SVOPL: variants seen among roughly 807,000 people sequenced by gnomAD.
SVOPL encodes the protein putative transporter SVOPL.
Under a neutral mutation model 61.0 loss-of-function variants are expected in SVOPL, and 60 were observed. The ratio of observed to expected loss-of-function variants is 0.98; its 90% CI spans 0.80 to 1.22. The LOEUF (loss-of-function observed/expected upper bound fraction) is 1.22, where lower values mean the gene tolerates loss of function less well. Among genes scored for constraint, SVOPL ranks in the 50% most tolerant of loss-of-function variants. The pLI is 0.00. For missense variants in SVOPL, 662 were observed against 643.9 expected (o/e 1.03, Z -0.30); for synonymous variants, 279 against 250.0 (o/e 1.12, Z -1.09).
intron 4 of SVOPL, chr7:138,664,122 T>A: frequency 1.3e-6 from 1 of 783,942 alleles, no homozygotes; most frequent in Non-Finnish European, 1.6e-6. Flanking sequence ...CAGCTCTCCC[T>A]CTGCCTCCCT....
intron 14 of SVOPL, among the ~76,000 whole-genome samples, chr7:138,616,503 A>T (rs1799310556): frequency 6.6e-6 from 1 of 151,910 alleles, no homozygotes; most frequent in Non-Finnish European, 1.5e-5. Flanking sequence ...AACCCAGCTA[A>T]TTTTATATTT....
chr7:138,660,741 GT>G, intron 5 of SVOPL: 5 of 985,306 alleles, frequency 5.1e-6, no homozygotes, highest in Non-Finnish European at 6.0e-6. Context: ...CAAGGTTCAT[GT>G]TTCATACTGC....
intron 9 of SVOPL, 57 bp from the exon 10 acceptor site, chr7:138,630,179 G>T: frequency 7.2e-7 from 1 of 1,398,282 alleles, no homozygotes; most frequent in Non-Finnish European, 1.0e-6. Context: ...GAACGGAGAT[G>T]TTTCCACTGT....
intron 14 of SVOPL, among the ~76,000 whole-genome samples, chr7:138,616,849 C>T (rs990931821): frequency 7.9e-5 from 12 of 152,156 alleles, no homozygotes; most frequent in Middle Eastern, 3.2e-3. Context: ...TGCAGTGGTG[C>T]AAACATAGCT....
Position 138,633,732 on chromosome 7 carries a change from A to G in SVOPL, c.790-3610T>C, listed in dbSNP as rs1161086492. 3.3e-5 allele frequency among the ~76,000 whole-genome samples: 5 copies of G among 152,326 alleles called. No homozygotes were observed. In the East Asian group the frequency reaches 9.6e-4, roughly 29 times the overall value. The stretch of plus-strand genomic sequence containing the variant: ...GAAAGTGAGAATACCTTACCAAAAT[A>G]CAATGATGAATATGGGGAAGGTTCA... On this transcript the variant is annotated intron_variant, in intron 9 of 15. Coordinates refer to ENST00000674285, the MANE Select transcript of SVOPL (RefSeq NM_001139456.2).
At chr7:138,656,385 G>GT in intron 7 of SVOPL, 63 bp downstream of exon 7, 1 of 1,501,284 alleles carries the variant, frequency 6.7e-7, no homozygotes, top group Non-Finnish European at 9.2e-7. Flanking sequence ...TCCAAGGTAT[G>GT]CCTATATGTA....
chr7:138,629,153 G>GTGTGTGTGTGTGTGTGTGTGTATA (rs10624737), intron 10 of SVOPL, among the ~76,000 whole-genome samples: 2 of 147,282 alleles, frequency 1.4e-5, no homozygotes, highest in African/African-American at 5.1e-5. Context: ...GTGTGTGTGT[G>GTGTGTGTGTGTGTGTGTGTGTATA]TATATATGTA....
intron 8 of SVOPL, among the ~76,000 whole-genome samples, chr7:138,647,733 A>G (rs1470228599): frequency 2.6e-5 from 4 of 151,646 alleles, no homozygotes; most frequent in Admixed American, 1.3e-4. Flanking sequence ...CTGCAACCCC[A>G]GGTACTCAGG....
intron 9 of SVOPL, among the ~76,000 whole-genome samples, chr7:138,637,463 T>TATAG (rs1554463006): frequency 4.0e-3 from 76 of 19,102 alleles, no homozygotes; most frequent in African/African-American, 5.4e-3. Flanking sequence ...TAGATATATA[T>TATAG]ATATAGATAT....
At chr7:138,627,287 T>C in intron 12 of SVOPL, 63 bp downstream of exon 12, 6 of 1,249,232 alleles carry the variant, frequency 4.8e-6, no homozygotes, top group Non-Finnish European at 6.9e-6. Flanking sequence ...CTGAACACCA[T>C]GGGTCAGGAG....
chr7:138,642,087 A>G (rs1800833486), intron 9 of SVOPL, among the ~76,000 whole-genome samples: 1 of 151,500 alleles, frequency 6.6e-6, no homozygotes, highest in South Asian at 2.1e-4. Context: ...AAATACAGTT[A>G]CATTATAATA....
intron 15 of SVOPL, 127 bp downstream of exon 15, chr7:138,596,290 C>A: frequency 2.7e-6 from 2 of 749,086 alleles, no homozygotes; most frequent in East Asian, 3.6e-5. Context: ...CAAACTACAA[C>A]TTTACAGAAA....
At chr7:138,682,574 A>C (rs1343065334) in intron 1 of SVOPL, among the ~76,000 whole-genome samples, 1 of 152,222 alleles carries the variant, frequency 6.6e-6, no homozygotes, top group Admixed American at 6.5e-5. Flanking sequence ...AGAAGAGGAA[A>C]GGGGAACCTA....
At chr7:138,604,687 A>G (rs1327161912) in intron 14 of SVOPL, among the ~76,000 whole-genome samples, 1 of 150,800 alleles carries the variant, frequency 6.6e-6, no homozygotes, top group East Asian at 1.9e-4. Flanking sequence ...CAAAAAAAAA[A>G]AAAAAAAAAA....
At position 138,656,520 on chromosome 7, in the gene SVOPL, G is replaced by A; in HGVS notation, c.471-9C>T. Reference sequence around the variant, plus strand: ...CAGTCTTTATGATTAACCTAAACAGGAAGCAGGAAAAAGCATAATTTTGTT... The same window carrying A: ...CAGTCTTTATGATTAACCTAAACAGAAAGCAGGAAAAAGCATAATTTTGTT... On this transcript the variant is annotated splice_polypyrimidine_tract_variant and intron_variant, in intron 6 of 15. Transcript: ENST00000674285. 3 of 1,613,060 alleles carry A rather than the reference G, an allele frequency of 1.9e-6. No homozygotes were observed. The highest frequency in any genetic ancestry group is 1.7e-6 in the Non-Finnish European group (2 of 1,179,770).
rs753961271 is a variant in SVOPL, at chr7:138,596,501, G to T, written c.1383C>A (p.Ala461=). 6.2e-7 allele frequency: 1 copy of T among 1,613,634 alleles called. No individual in the cohort carries two copies. Among genetic ancestry groups the T allele is most frequent in the Non-Finnish European group, 8.5e-7 (1 of 1,179,782 alleles). The change falls in exon 15 of 16, where the codon GCC becomes GCA. Residue 461 remains alanine (A), a synonymous_variant. Transcript: ENST00000674285. The stretch of plus-strand genomic sequence containing the variant: ...CACAGACAGATGAGAAGAGACACAG[G>T]GCCCCCAGTATTGATGCACTCATAA... ...QVLMSASILG[A]LCLFSSVCVV...
At chr7:138,668,366 CCT>C (rs534504849) in intron 4 of SVOPL, among the ~76,000 whole-genome samples, 26 of 152,286 alleles carry the variant, frequency 1.7e-4, no homozygotes, top group African/African-American at 6.0e-4. Flanking sequence ...TTGCAATTCC[CCT>C]GTCTTGAGAA....
intron 9 of SVOPL, among the ~76,000 whole-genome samples, chr7:138,641,272 C>CAA (rs199906922): frequency 5.3e-5 from 7 of 131,574 alleles, no homozygotes; most frequent in South Asian, 2.4e-4. Context: ...ACAACTACAA[C>CAA]AAAAAAAAAA....
chr7:138,699,131 G>T (rs1803134732), intron 1 of SVOPL, among the ~76,000 whole-genome samples: 1 of 152,060 alleles, frequency 6.6e-6, no homozygotes, highest in South Asian at 2.1e-4. Context: ...CAGCCTAGGT[G>T]ACAGAGTGAA....
Sources: allele counts gnomAD v4.1 joint callset (sites outside exome capture counted in the v4.1 genomes callset), GRCh38; gene constraint gnomAD v4.1.1; transcripts MANE v1.5; gene names NCBI Gene and HGNC (gene_info 2026-07-23, HGNC 2026-07-21).